The following ARHGAP24 variants were observed in gnomAD, a reference collection of about 807,000 sequenced individuals.
The protein encoded by ARHGAP24 is Rho GTPase activating protein 24, also known as rho GTPase-activating protein 24.
A neutral mutation model predicts 76.4 loss-of-function variants in ARHGAP24; 50 were observed. The ratio of observed to expected loss-of-function variants is 0.65; its 90% CI spans 0.52 to 0.83. The LOEUF (loss-of-function observed/expected upper bound fraction) is 0.83, where lower values mean the gene tolerates loss of function less well. Among genes scored for constraint, ARHGAP24 ranks in the 40% least tolerant of loss-of-function variants. ARHGAP24 has a pLI of 0.00. For missense variants in ARHGAP24, 930 were observed against 914.2 expected (o/e 1.02, Z -0.22); for synonymous variants, 345 against 323.3 (o/e 1.07, Z -0.72).
At chr4:85,927,053 C>T (rs1182962970) in intron 4 of ARHGAP24, among the ~76,000 whole-genome samples, 3 of 151,676 alleles carry the variant, frequency 2.0e-5, no homozygotes, top group Non-Finnish European at 4.4e-5. Flanking sequence ...TTGATACCAT[C>T]GAGCAATTAG....
chr4:85,563,116 AG>A (rs1266992161), intron 1 of ARHGAP24, among the ~76,000 whole-genome samples: 4 of 152,204 alleles, frequency 2.6e-5, no homozygotes, highest in African/African-American at 9.6e-5. Flanking sequence ...TCTGGAGCAC[AG>A]ACTGAAATAC....
chr4:85,806,325 G>T (rs1318882077), intron 3 of ARHGAP24, among the ~76,000 whole-genome samples: 2 of 152,188 alleles, frequency 1.3e-5, no homozygotes, highest in East Asian at 3.9e-4. Flanking sequence ...AAGCTTCTTA[G>T]CAAGGAAGCA....
intron 2 of ARHGAP24, among the ~76,000 whole-genome samples, chr4:85,611,823 A>G (rs1052077835): frequency 6.6e-6 from 1 of 152,212 alleles, no homozygotes; most frequent in Admixed American, 6.5e-5. Flanking sequence ...ATGTGAGTAC[A>G]TCTTGTTTTC....
intron 8 of ARHGAP24, among the ~76,000 whole-genome samples, chr4:85,989,233 TA>T (rs925482052): frequency 1.3e-5 from 2 of 151,652 alleles, no homozygotes; most frequent in Non-Finnish European, 3.0e-5. Flanking sequence ...TTACAGATGT[TA>T]AAATAATCAT....
intron 3 of ARHGAP24, among the ~76,000 whole-genome samples, chr4:85,733,683 G>GCT (rs1725502418): frequency 6.6e-6 from 1 of 152,110 alleles, no homozygotes; most frequent in Non-Finnish European, 1.5e-5. Context: ...TCTTCTGAGG[G>GCT]CTCTCTCCTT....
rs142407887 is a variant in ARHGAP24 at position 85,476,725 on chromosome 4, A to G, written c.-21+1166A>G. On this transcript the variant is annotated intron_variant, in intron 1 of 9. Coordinates refer to ENST00000395184, the MANE Select transcript of ARHGAP24 (RefSeq NM_001025616.3). ...AACTCAAAACCAATCCTTCAGGGCA[A>G]AAATGGATGACGCTATTGAACTGGG... is the stretch of plus-strand genomic sequence containing the variant. 2.6e-5 allele frequency among the ~76,000 whole-genome samples: 4 copies of G among 152,362 alleles called. No homozygotes were observed. In the East Asian group the frequency reaches 5.8e-4, roughly 22 times the overall value.
intron 2 of ARHGAP24, among the ~76,000 whole-genome samples, chr4:85,622,328 T>C (rs1322340497): frequency 4.2e-5 from 6 of 141,984 alleles, no homozygotes; most frequent in Non-Finnish European, 4.5e-5. Flanking sequence ...TTCCCACCTA[T>C]GAGTGAGAAC....
intron 1 of ARHGAP24, among the ~76,000 whole-genome samples, chr4:85,564,425 G>C (rs1035449073): frequency 1.4e-5 from 2 of 142,428 alleles, no homozygotes; most frequent in African/African-American, 5.2e-5. Flanking sequence ...ATAGCATTAG[G>C]AGATATACCT....
chr4:85,666,792 G>A (rs868351033), intron 2 of ARHGAP24, among the ~76,000 whole-genome samples: 4 of 152,180 alleles, frequency 2.6e-5, no homozygotes, highest in East Asian at 1.9e-4. Context: ...TATCAGTAGC[G>A]GTGGCTGCAG....
intron 3 of ARHGAP24, among the ~76,000 whole-genome samples, chr4:85,891,056 A>G (rs1050286735): frequency 9.2e-5 from 14 of 152,166 alleles, no homozygotes; most frequent in Non-Finnish European, 8.8e-5. Flanking sequence ...AGAGATAATG[A>G]TAACCTGAAG....
chr4:85,486,242 A>G (rs1182468798), intron 1 of ARHGAP24, among the ~76,000 whole-genome samples: 1 of 152,058 alleles, frequency 6.6e-6, no homozygotes, highest in Non-Finnish European at 1.5e-5. Context: ...GGGATATGTG[A>G]TACCCTAACA....
At chr4:85,760,715 A>C (rs1006415300) in intron 3 of ARHGAP24, among the ~76,000 whole-genome samples, 3 of 152,138 alleles carry the variant, frequency 2.0e-5, no homozygotes, top group African/African-American at 7.2e-5. Context: ...GCCCGAAGCC[A>C]AAAAACAGAA....
At chr4:85,956,574 TAG>T (rs1479252888) in intron 5 of ARHGAP24, among the ~76,000 whole-genome samples, 1 of 151,734 alleles carries the variant, frequency 6.6e-6, no homozygotes, top group African/African-American at 2.4e-5. Flanking sequence ...GTCAGTGTTA[TAG>T]CTCTATTAGA....
intron 3 of ARHGAP24, among the ~76,000 whole-genome samples, chr4:85,811,885 T>C (rs1353780661): frequency 6.6e-6 from 1 of 152,194 alleles, no homozygotes; most frequent in African/African-American, 2.4e-5. Flanking sequence ...TTATAATAAA[T>C]GTGTTTTTGG....
chr4:85,568,157 C>T (rs1463837357), intron 1 of ARHGAP24, among the ~76,000 whole-genome samples: 1 of 152,038 alleles, frequency 6.6e-6, no homozygotes, highest in African/African-American at 2.4e-5. Flanking sequence ...TTTATATTAT[C>T]AATGGTAGGT....
intron 3 of ARHGAP24, among the ~76,000 whole-genome samples, chr4:85,840,596 A>C (rs1375778686): frequency 6.6e-6 from 1 of 152,216 alleles, no homozygotes; most frequent in Non-Finnish European, 1.5e-5. Flanking sequence ...CTTAGTTAGC[A>C]GGATTGGCTC....
chr4:85,608,628 G>A (rs1423766789), intron 2 of ARHGAP24, among the ~76,000 whole-genome samples: 1 of 132,370 alleles, frequency 7.6e-6, no homozygotes, highest in Non-Finnish European at 1.5e-5. Context: ...CATGATCTCA[G>A]CTCACTGCAA....
rs551680644 is a variant in ARHGAP24, at chr4:85,685,290, C to T, written c.181-36595C>T. Among the ~76,000 whole-genome samples the T allele has an allele frequency of 6.6e-5, 10 of 152,308 alleles. No individual in the cohort carries two copies. The East Asian group carries it at 1.9e-3, about 29-fold the overall frequency. On this transcript the variant is annotated intron_variant, in intron 2 of 9. Transcript: ENST00000395184. ...GCCACTAATCATTGAGATTACCTTTCCTCTGGCCTCTAATTTCCTTGCTGT... is the reference window on the plus strand; with the variant it reads ...GCCACTAATCATTGAGATTACCTTTTCTCTGGCCTCTAATTTCCTTGCTGT...
At chr4:85,723,145 C>A in intron 3 of ARHGAP24, 1 of 146,866 alleles carries the variant, frequency 6.8e-6, no homozygotes, top group South Asian at 2.3e-4. Flanking sequence ...AACCAGATTC[C>A]AGATGTTACA....
Sources: gnomAD v4.1 joint callset for allele counts (sites outside exome capture counted in the v4.1 genomes callset) on GRCh38, gnomAD v4.1.1 for gene constraint, MANE v1.5 for transcripts, NCBI Gene and HGNC (gene_info 2026-07-23, HGNC 2026-07-21) for gene names.